The following VEZT variants were observed in gnomAD, a reference collection of about 807,000 sequenced individuals.
The protein encoded by VEZT is vezatin.
Under a neutral mutation model 79.9 loss-of-function variants are expected in VEZT, and 39 were observed. That is an observed-to-expected ratio of 0.49 (90% CI 0.38 to 0.64). VEZT has a LOEUF of 0.64. Among genes scored for constraint, VEZT ranks in the 30% least tolerant of loss-of-function variants. The pLI is 0.00. For missense variants in VEZT, 837 were observed against 893.1 expected (o/e 0.94, Z 0.80); for synonymous variants, 325 against 327.6 (o/e 0.99, Z 0.09).
At chr12:95,297,887 AG>A (rs1468296319) in intron 11 of VEZT, among the ~76,000 whole-genome samples, 5 of 152,180 alleles carry the variant, frequency 3.3e-5, no homozygotes, top group African/African-American at 1.2e-4. Context: ...TGGGAGGCCA[AG>A]GCAGGTGGAT....
intron 8 of VEZT, chr12:95,286,718 C>T: frequency 2.5e-6 from 1 of 394,228 alleles, no homozygotes; most frequent in Non-Finnish European, 5.1e-6. Flanking sequence ...TTTCCCATTC[C>T]CTGCGTGTCT....
At chr12:95,230,104 CAAAAAAAAAA>C (rs11386464) in intron 1 of VEZT, among the ~76,000 whole-genome samples, 1 of 72,368 alleles carries the variant, frequency 1.4e-5, no homozygotes, top group African/African-American at 4.4e-5. Flanking sequence ...GATTCCGTCT[CAAAAAAAAAA>C]AAAAAAAAAC....
chr12:95,294,077 C>T (rs548039935), intron 9 of VEZT, 195 bp from the exon 10 acceptor site: 22 of 471,192 alleles, frequency 4.7e-5, no homozygotes, highest in African/African-American at 8.0e-5. Context: ...GTTTTTGTAG[C>T]GACAGAGTCT....
chr12:95,232,893 C>T (rs2059464822), intron 1 of VEZT, among the ~76,000 whole-genome samples: 1 of 152,120 alleles, frequency 6.6e-6, no homozygotes, highest in Non-Finnish European at 1.5e-5. Context: ...GCATCCTCTA[C>T]TTCCCAAGCT....
chr12:95,228,500 A>G (rs777648461), intron 1 of VEZT, among the ~76,000 whole-genome samples: 6 of 152,042 alleles, frequency 3.9e-5, no homozygotes, highest in Admixed American at 1.3e-4. Flanking sequence ...TTAAGGTATT[A>G]TTATATCATT....
intron 1 of VEZT, among the ~76,000 whole-genome samples, chr12:95,235,313 C>T (rs76871523): frequency 1.5e-5 from 2 of 133,512 alleles, no homozygotes; most frequent in South Asian, 2.5e-4. Flanking sequence ...CCCTCCCGGA[C>T]GGGGCGGCTG....
chr12:95,270,232 A>G (rs764935368), intron 6 of VEZT, 44 bp downstream of exon 6: 4 of 1,530,758 alleles, frequency 2.6e-6, no homozygotes, highest in South Asian at 2.5e-5. Context: ...ATGTTTCTGG[A>G]GTCCTGAATA....
chr12:95,269,659 CTG>C (rs1178723960), intron 5 of VEZT, among the ~76,000 whole-genome samples: 1 of 152,028 alleles, frequency 6.6e-6, no homozygotes, highest in African/African-American at 2.4e-5. Context: ...GTTTTGAAAA[CTG>C]AATATAAAGT....
intron 5 of VEZT, among the ~76,000 whole-genome samples, chr12:95,268,341 A>G (rs1024747205): frequency 6.6e-6 from 1 of 151,878 alleles, no homozygotes; most frequent in East Asian, 1.9e-4. Context: ...TAAAAATACA[A>G]AAAGAAATTA....
At chr12:95,258,665 T>G (rs1390171982) in intron 3 of VEZT, among the ~76,000 whole-genome samples, 1 of 152,236 alleles carries the variant, frequency 6.6e-6, no homozygotes, top group Non-Finnish European at 1.5e-5. Context: ...TGTTCATTTT[T>G]ATAGTACTTT....
At chr12:95,278,586 A>G (rs1197763652) in intron 7 of VEZT, among the ~76,000 whole-genome samples, 6 of 152,212 alleles carry the variant, frequency 3.9e-5, no homozygotes, top group Non-Finnish European at 8.8e-5. Flanking sequence ...TTGTAAGTTA[A>G]ATTTTTAAAA....
At chr12:95,218,011 G>A (rs1592901078) in intron 1 of VEZT, 125 bp downstream of exon 1, 6 of 950,606 alleles carry the variant, frequency 6.3e-6, no homozygotes, top group East Asian at 3.0e-5. Flanking sequence ...CTCGACCACC[G>A]AACCCCAGCG....
chr12:95,244,657 A>G (rs1386308433), intron 1 of VEZT, among the ~76,000 whole-genome samples: 1 of 149,492 alleles, frequency 6.7e-6, no homozygotes, highest in African/African-American at 2.5e-5. Flanking sequence ...GTGTGATCTC[A>G]GTTCACTGTA....
intron 3 of VEZT, among the ~76,000 whole-genome samples, chr12:95,258,068 C>G (rs1317665507): frequency 6.6e-6 from 1 of 152,146 alleles, no homozygotes; most frequent in Non-Finnish European, 1.5e-5. Flanking sequence ...CATGCTCTTT[C>G]TGCTATAGCA....
chr12:95,287,707 A>G lies in VEZT; in HGVS notation c.1372A>G (p.Lys458Glu). The change falls in exon 9 of 12, where the codon AAA becomes GAA. Residue 458 changes from lysine (K) to glutamate (E), a missense_variant. Lys to Glu is a moderately conservative substitution (Grantham distance 56, BLOSUM62 1). Transcript: ENST00000436874. ...EDELEKLVCT[K>E]ETQELVSEAY... ...TGAACTTGAAAAGCTTGTTTGTACT[A>G]AAGAAACACAAGAACTAGTGTCAGA... 2 of 1,592,574 alleles carry G rather than the reference A, an allele frequency of 1.3e-6. No homozygotes were observed. Among genetic ancestry groups the G allele is most frequent in the Non-Finnish European group, 8.6e-7 (1 of 1,168,240 alleles).
chr12:95,279,789 G>T (rs995308069), intron 7 of VEZT, among the ~76,000 whole-genome samples: 1 of 152,104 alleles, frequency 6.6e-6, no homozygotes, highest in African/African-American at 2.4e-5. Flanking sequence ...AGAGGCAGGG[G>T]TCTCACTGTG....
intron 1 of VEZT, among the ~76,000 whole-genome samples, chr12:95,232,642 A>G (rs1438990088): frequency 1.3e-5 from 2 of 152,160 alleles, no homozygotes; most frequent in Admixed American, 6.6e-5. Context: ...TATGGACTGC[A>G]TGGCCCAAAT....
chr12:95,255,778 A>G lies in VEZT; in HGVS notation c.169-1372A>G, dbSNP rs535794906. Among the ~76,000 whole-genome samples the G allele has an allele frequency of 2.0e-5, 3 of 152,232 alleles. No individual in the cohort carries two copies. The South Asian group carries it at 6.2e-4, about 32-fold the overall frequency. On this transcript the variant is annotated intron_variant, in intron 2 of 11. Coordinates refer to ENST00000436874, the MANE Select transcript of VEZT (RefSeq NM_017599.4). ...TTCTTGTCTACAATCATACCCTGCCAGTTTAGCCCCTGCACTATTGCCAAT... is the reference window on the plus strand; with the variant it reads ...TTCTTGTCTACAATCATACCCTGCCGGTTTAGCCCCTGCACTATTGCCAAT...
In VEZT at chr12:95,300,718, A is replaced by G. The variant is rs1421150776; in HGVS notation, c.*45A>G. The G allele has an allele frequency of 1.3e-6, 2 of 1,501,436 alleles. No homozygotes were observed. The highest frequency in any genetic ancestry group is 1.8e-6 in the Non-Finnish European group (2 of 1,130,470). The allele number at this position is 1,501,436 out of a possible 1,614,324, so 93.0% of individuals were successfully genotyped here. On this transcript the variant is annotated 3_prime_UTR_variant, in exon 12 of 12. Transcript: ENST00000436874. ...GTGATATTAGATTGTTCCTTTTACA[A>G]AAGTGTTTAGCTTCAAGACTGGAAA... is the stretch of plus-strand genomic sequence containing the variant.
Sources: gnomAD v4.1 joint callset for allele counts (sites outside exome capture counted in the v4.1 genomes callset) on GRCh38, gnomAD v4.1.1 for gene constraint, MANE v1.5 for transcripts, NCBI Gene and HGNC (gene_info 2026-07-23, HGNC 2026-07-21) for gene names.